The following LRRK1 variants were observed in gnomAD, a reference collection of about 807,000 sequenced individuals.
LRRK1 encodes the protein leucine rich repeat kinase 1, also known as leucine-rich repeat serine/threonine-protein kinase 1.
Under a neutral mutation model 209.1 loss-of-function variants are expected in LRRK1, and 113 were observed. The observed-to-expected ratio is 0.54, with a 90% CI of 0.46 to 0.63. The LOEUF is 0.63. LRRK1 is among the 30% of genes least tolerant of loss of function. The pLI, the probability that LRRK1 is intolerant of heterozygous loss-of-function variation, is 0.00. For missense variants in LRRK1, 2,284 were observed against 2,632.2 expected, an observed-to-expected ratio of 0.87 and a Z score of 2.89; for synonymous variants, 1,144 against 1,099.7, an observed-to-expected ratio of 1.04 and a Z score of -0.80.
At chr15:101,044,055 A>G (rs6598426) in intron 20 of LRRK1, 109,458 of 152,026 alleles carry the variant, frequency 0.72, 39,719 homozygotes, top group Middle Eastern at 0.79. Flanking sequence ...TCATCTCAGC[A>G]CAGGCATAAT....
intron 33 of LRRK1, 46 bp from the exon 34 acceptor site, chr15:101,068,625 G>T (rs770086096): frequency 6.6e-7 from 1 of 1,524,414 alleles, no homozygotes; most frequent in East Asian, 2.3e-5. Flanking sequence ...AACCCCACCC[G>T]AGTGGGAACC....
rs2036683324 is a variant in LRRK1, at chr15:101,069,025, T to C, written c.*177T>C. On this transcript the variant is annotated 3_prime_UTR_variant, in exon 34 of 34. Coordinates refer to ENST00000388948, the MANE Select transcript of LRRK1 (RefSeq NM_024652.6). Reference sequence around the variant, plus strand: ...TCGCCTGGCGGTGGCTCCAGGGTTCTCTGGTTCTCTGGAGCAGAGTTCTCT... The same window carrying C: ...TCGCCTGGCGGTGGCTCCAGGGTTCCCTGGTTCTCTGGAGCAGAGTTCTCT... The C allele has an allele frequency of 3.7e-6, 2 of 546,240 alleles. No homozygotes were observed. Among genetic ancestry groups the C allele is most frequent in the African/African-American group, 3.9e-5 (2 of 51,106 alleles). 33.8% of individuals were successfully genotyped at this position (546,240 alleles called of 1,614,324 possible). A position where few individuals can be genotyped will look rare whatever the true frequency, so the allele number is the denominator to read the frequency against.
At chr15:100,972,722 A>G (rs548663725) in intron 2 of LRRK1, among the ~76,000 whole-genome samples, 2 of 152,306 alleles carry the variant, frequency 1.3e-5, no homozygotes, top group East Asian at 3.9e-4. Flanking sequence ...TGTAAAAACA[A>G]TAACCCAATT....
rs1466132673 is a variant in LRRK1 at position 101,053,100 on chromosome 15, C to T, written c.3856+12C>T. ...TAACGTACCGGCAGGTAAGCGGGTC[C>T]CAGGTTGGTGCTGTTTTTCTCAGAC... On this transcript the variant is annotated intron_variant, in intron 25 of 33. Transcript: ENST00000388948. 6.2e-7 allele frequency: 1 copy of T among 1,600,602 alleles called. No individual in the cohort carries two copies. The highest frequency in any genetic ancestry group is 1.3e-5 in the African/African-American group (1 of 74,760).
chr15:101,017,651 G>A (rs191258177), intron 12 of LRRK1, among the ~76,000 whole-genome samples: 259 of 152,192 alleles, frequency 1.7e-3, no homozygotes, highest in African/African-American at 5.9e-3. Flanking sequence ...AGAATCTAAC[G>A]CCTGATGATC....
chr15:101,057,098 G>A, intron 28 of LRRK1, 48 bp downstream of exon 28: 1 of 1,494,904 alleles, frequency 6.7e-7, no homozygotes, highest in Non-Finnish European at 9.0e-7. Flanking sequence ...TGCCATGTGA[G>A]GAAGCTGTGG....
chr15:101,014,681 C>T (rs1316014414), intron 11 of LRRK1, among the ~76,000 whole-genome samples: 3 of 152,168 alleles, frequency 2.0e-5, no homozygotes, highest in East Asian at 1.9e-4. Context: ...TGTCCTGTTG[C>T]GGTCAGGCCT....
rs2033922872 is a variant in LRRK1 at position 101,024,269 on chromosome 15, C to T, written c.2068-534C>T. On this transcript the variant is annotated intron_variant, in intron 15 of 33. Transcript: ENST00000388948. The surrounding 1 kb of genome is among the most constrained non-coding windows in gnomAD (Gnocchi z 4.6). ...CAGCCTTAGCATCCAGGGCCAGACTCTTACCTCATGCAATGATAGAGAAAC... is the reference window on the plus strand; with the variant it reads ...CAGCCTTAGCATCCAGGGCCAGACTTTTACCTCATGCAATGATAGAGAAAC... 1.3e-5 allele frequency among the ~76,000 whole-genome samples: 2 copies of T among 152,224 alleles called. No individual in the cohort carries two copies. The highest frequency in any genetic ancestry group is 4.1e-4 in the South Asian group (2 of 4,830).
At chr15:100,956,796 C>G (rs1204917801) in intron 2 of LRRK1, among the ~76,000 whole-genome samples, 1 of 152,046 alleles carries the variant, frequency 6.6e-6, no homozygotes, top group African/African-American at 2.4e-5. Context: ...GTCTCTATTT[C>G]GTTTATTTCT....
chr15:100,972,333 TATGAGAGAGAGAGAGA>T (rs1461541378), intron 2 of LRRK1, among the ~76,000 whole-genome samples: 1 of 121,556 alleles, frequency 8.2e-6, no homozygotes, highest in South Asian at 2.9e-4. Flanking sequence ...TATATATATA[TATGAGAGAGAGAGAGA>T]GAGAGAGAGA....
At chr15:100,962,794 CATAT>C (rs769399875) in intron 2 of LRRK1, among the ~76,000 whole-genome samples, 1,712 of 39,356 alleles carry the variant, frequency 0.044, 149 homozygotes, top group Admixed American at 0.092. Flanking sequence ...TTTCATTTTG[CATAT>C]ATATATATAT....
Position 100,921,918 on chromosome 15 carries a change from A to G in LRRK1, c.-123+2467A>G, listed in dbSNP as rs537941196. Among the ~76,000 whole-genome samples, 180 of 152,144 alleles carry G rather than the reference A, an allele frequency of 1.2e-3. 1 individual carries two copies. Among genetic ancestry groups the G allele is most frequent in the African/African-American group, 4.2e-3 (173 of 41,504 alleles). The stretch of plus-strand genomic sequence containing the variant: ...ATTTTAGTAGAGATGGGTTTTTACC[A>G]TATTGGCCAGGGTGATCTCGAACTC... On this transcript the variant is annotated intron_variant, in intron 1 of 33. Coordinates refer to ENST00000388948, the MANE Select transcript of LRRK1 (RefSeq NM_024652.6).
chr15:101,021,895 T>C lies in LRRK1; in HGVS notation c.1790T>C (p.Leu597Pro). ...CCTGAGCTGGGGCAGCTGGGCAACC[T>C]CTGGCAGCTGGACACTGAAGACCTG... ...LPPELGQLGN[L>P]WQLDTEDLTI... The change falls in exon 14 of 34, where the codon CTC (leucine) becomes CCC (proline). Residue 597 changes from leucine (L) to proline (P), a missense_variant. Coordinates refer to ENST00000388948, the MANE Select transcript of LRRK1 (RefSeq NM_024652.6). The C allele has an allele frequency of 6.2e-7, 1 of 1,614,072 alleles. No homozygotes were observed. The highest frequency in any genetic ancestry group is 8.5e-7 in the Non-Finnish European group (1 of 1,180,008).
intron 7 of LRRK1, 42 bp from the exon 8 acceptor site, chr15:101,010,408 C>G (rs751487710): frequency 5.7e-6 from 9 of 1,569,834 alleles, no homozygotes; most frequent in Non-Finnish European, 6.9e-6. Context: ...TGGTGTTTTC[C>G]CTCTTTATTC....
rs376148173 is a variant in LRRK1 at position 100,961,166 on chromosome 15, G to A, written c.98-12638G>A. 1.2e-4 allele frequency among the ~76,000 whole-genome samples: 18 copies of A among 152,146 alleles called. 1 individual carries two copies. The highest frequency in any genetic ancestry group is 9.2e-4 in the Admixed American group (14 of 15,274). On this transcript the variant is annotated intron_variant, in intron 2 of 33. Transcript: ENST00000388948. ...CTGCAGAGTCCTGAGGTGGTGCCGG[G>A]CATCACATGGCAAAGGGCCTGAGTG...
chr15:101,049,513 C>T, intron 22 of LRRK1, 131 bp from the exon 23 acceptor site: 1 of 1,004,780 alleles, frequency 1.0e-6, no homozygotes, highest in Non-Finnish European at 1.5e-6. Context: ...AGGAGTCCCC[C>T]ATCGGTCCTG....
chr15:101,058,256 T>C, intron 29 of LRRK1, 115 bp downstream of exon 29: 2 of 1,057,754 alleles, frequency 1.9e-6, no homozygotes, highest in South Asian at 1.5e-5. Context: ...GACGGTAGGG[T>C]CCAGAACCTG....
In LRRK1 at chr15:101,069,518, G is replaced by C. The variant is rs1487969485; in HGVS notation, c.*670G>C. 1 of 152,644 alleles carries C rather than the reference G, an allele frequency of 6.6e-6. No individual in the cohort carries two copies. Among genetic ancestry groups the C allele is most frequent in the East Asian group, 1.9e-4 (1 of 5,200 alleles). 9.5% of individuals were successfully genotyped at this position (152,644 alleles called of 1,614,324 possible). On this transcript the variant is annotated 3_prime_UTR_variant, in exon 34 of 34. Coordinates refer to ENST00000388948, the MANE Select transcript of LRRK1 (RefSeq NM_024652.6). ...CCGCCAGCAAGCCCAGAGGCACACA[G>C]TCCGAGTGCACCCGCTTAGCCTTTA...
Position 101,058,128 on chromosome 15 carries a change from A to G in LRRK1, c.4666A>G (p.Lys1556Glu), listed in dbSNP as rs776831970. 6 of 1,614,010 alleles carry G rather than the reference A, an allele frequency of 3.7e-6. No homozygotes were observed. Among genetic ancestry groups the G allele is most frequent in the Admixed American group, 1.7e-5 (1 of 60,004 alleles). The change falls in exon 29 of 34, where the codon AAA becomes GAA. Residue 1556 changes from lysine to glutamate, a missense_variant. This residue lies in a region of LRRK1 where 643 missense variants were observed against 695.9 expected (regional missense o/e 0.92). Coordinates refer to ENST00000388948, the MANE Select transcript of LRRK1 (RefSeq NM_024652.6). Reference sequence around the variant, plus strand: ...GTACACCGTGGTGTTTTGGGATGGAAAAGAGGAGTCCAGGTAAGCTCCTGC... The same window carrying G: ...GTACACCGTGGTGTTTTGGGATGGAGAAGAGGAGTCCAGGTAAGCTCCTGC... The part of the protein sequence containing the change: ...QEYTVVFWDG[K>E]EESRNYTVVN...
Sources: allele counts gnomAD v4.1 joint callset (sites outside exome capture counted in the v4.1 genomes callset), GRCh38; gene constraint gnomAD v4.1.1; regional missense constraint gnomAD v4.1.1; non-coding constraint Gnocchi (gnomAD v3.1); transcripts MANE v1.5; gene names NCBI Gene and HGNC (gene_info 2026-07-23, HGNC 2026-07-21).